CATSPERG: variants seen among roughly 807,000 people sequenced by gnomAD.
CATSPERG encodes catsper channel auxiliary subunit gamma.
In CATSPERG, 115 loss-of-function variants were observed where a neutral mutation model predicts 145.0. The ratio of observed to expected loss-of-function variants is 0.79; its 90% CI spans 0.68 to 0.93. The LOEUF is 0.93. Ranked by LOEUF, CATSPERG falls within the 40% of genes least tolerant of loss-of-function variation. The pLI is 0.00. For missense variants in CATSPERG, 1,296 were observed against 1,490.1 expected (o/e 0.87, Z 2.14); for synonymous variants, 588 against 589.0 (o/e 1.00, Z 0.02).
At chr19:38,350,854 T>C (rs1048897677) in intron 7 of CATSPERG, among the ~76,000 whole-genome samples, 1 of 152,016 alleles carries the variant, frequency 6.6e-6, no homozygotes, top group Admixed American at 6.6e-5. Flanking sequence ...CCAGGCATGG[T>C]GGTGGGCACC....
chr19:38,362,600 C>G (rs1472194495), intron 19 of CATSPERG, 26 bp downstream of exon 19: 2 of 1,611,066 alleles, frequency 1.2e-6, no homozygotes, highest in Non-Finnish European at 1.7e-6. Context: ...GAGTGGAGCC[C>G]GAAGGGCGGG....
chr19:38,361,765 C>T lies in CATSPERG; in HGVS notation c.1998C>T (p.Arg666=), dbSNP rs1442870921. 3.1e-6 allele frequency: 5 copies of T among 1,612,992 alleles called. No individual in the cohort carries two copies. Among genetic ancestry groups the T allele is most frequent in the East Asian group, 2.2e-5 (1 of 44,846 alleles). The change falls in exon 17 of 29, where the codon CGC becomes CGT. Residue 666 remains arginine, a synonymous_variant. Coordinates refer to ENST00000409235, the MANE Select transcript of CATSPERG (RefSeq NM_021185.5). ...RQERYRARPP[R]VLERSGFHNE... is the part of the protein sequence containing the mutation. ...AGCGCTACCGGGCGCGGCCGCCGCGCGTCCTGGAGCGCTCGGGCTTCCACA... is the reference window on the plus strand; with the variant it reads ...AGCGCTACCGGGCGCGGCCGCCGCGTGTCCTGGAGCGCTCGGGCTTCCACA...
chr19:38,344,449 A>T, intron 6 of CATSPERG, 81 bp downstream of exon 6: 14 of 1,279,404 alleles, frequency 1.1e-5, no homozygotes, highest in Non-Finnish European at 1.6e-5. Context: ...CAAGCAGCAG[A>T]TCCCATTTAG....
At position 38,356,520 on chromosome 19, in the gene CATSPERG, G is replaced by GGTCT. The variant is rs1446633121; in HGVS notation, c.1175_1178dup (p.Glu395ValfsTer15). 1.2e-6 allele frequency: 2 copies of GGTCT among 1,613,878 alleles called. No individual in the cohort carries two copies. Among genetic ancestry groups the GGTCT allele is most frequent in the Non-Finnish European group, 1.7e-6 (2 of 1,179,980 alleles). On this transcript the variant is annotated frameshift_variant, in exon 10 of 29. Transcript: ENST00000409235. LOFTEE classifies it high-confidence loss of function. Reference sequence around the variant, plus strand: ...TCCTTTGAGATGCTGCCCAGGCAGTGGTCTGTGTGCGAGCAGATAGGAGGT... The same window carrying GGTCT: ...TCCTTTGAGATGCTGCCCAGGCAGTGGTCTGTCTGTGTGCGAGCAGATAGGAGGT...
rs932344718 is a variant in CATSPERG, at chr19:38,367,579, G to A, written c.2834+7G>A. On this transcript the variant is annotated splice_region_variant and intron_variant, in intron 24 of 28. Coordinates refer to ENST00000409235, the MANE Select transcript of CATSPERG (RefSeq NM_021185.5). ...CCGGCAGTTTCCAGGGCAGGTAAAG[G>A]CGTGGCCAGCTTGCAGCTAGGGCAG... The A allele has an allele frequency of 6.2e-7, 1 of 1,613,996 alleles. No individual in the cohort carries two copies. The highest frequency in any genetic ancestry group is 8.5e-7 in the Non-Finnish European group (1 of 1,179,914).
At position 38,337,498 on chromosome 19, in the gene CATSPERG, G is replaced by T; in HGVS notation, c.264G>T (p.Pro88=). 1 of 1,552,030 alleles carries T rather than the reference G, an allele frequency of 6.4e-7. No individual in the cohort carries two copies. Among genetic ancestry groups the T allele is most frequent in the Non-Finnish European group, 8.7e-7 (1 of 1,147,068 alleles). The stretch of plus-strand genomic sequence containing the variant: ...TGCTGGTGGACTCACCCATCGACCC[G>T]AGCGAGGTGAGGGGACCAGGGTCAA... The part of the protein sequence containing the change: ...FHMLVDSPID[P]SEKYLGFPYY... Residue 88 remains proline (P), a synonymous_variant, in exon 2 of 29, where the codon CCG becomes CCT. Coordinates refer to ENST00000409235, the MANE Select transcript of CATSPERG (RefSeq NM_021185.5).
At chr19:38,364,407 G>A (rs1050248802) in intron 20 of CATSPERG, among the ~76,000 whole-genome samples, 17 of 151,836 alleles carry the variant, frequency 1.1e-4, no homozygotes, top group African/African-American at 3.6e-4. Flanking sequence ...GACGATGGGC[G>A]GCCGGGCAGA....
chr19:38,336,495 G>T (rs1023413853), intron 1 of CATSPERG: 9 of 302,824 alleles, frequency 3.0e-5, no homozygotes, highest in Non-Finnish European at 3.3e-5. Flanking sequence ...GGCGAGAAAC[G>T]GGGGCCCGGC....
At position 38,364,959 on chromosome 19, in the gene CATSPERG, C is replaced by T. The variant is rs1427520735; in HGVS notation, c.2544C>T (p.Ser848=). Residue 848 remains serine (S), a synonymous_variant, in exon 21 of 29, where the codon TCC becomes TCT. Coordinates refer to ENST00000409235, the MANE Select transcript of CATSPERG (RefSeq NM_021185.5). ...GISGHHLMET[S]MTVNVVGSSG... ...GTGGACATCACCTTATGGAGACTTC[C>T]ATGACGGTCAATGTGAGGTCCAAGC... 1.9e-6 allele frequency: 3 copies of T among 1,613,990 alleles called. No homozygotes were observed. Among genetic ancestry groups the T allele is most frequent in the Middle Eastern group, 1.6e-4 (1 of 6,062 alleles).
chr19:38,365,192 G>A, intron 22 of CATSPERG, 75 bp downstream of exon 22: 2 of 1,267,988 alleles, frequency 1.6e-6, no homozygotes, highest in Non-Finnish European at 1.2e-6. Context: ...ATCCCCCTGA[G>A]AATCCCACTA....
Position 38,344,302 on chromosome 19 carries a change from G to C in CATSPERG, c.603G>C (p.Gln201His). The C allele has an allele frequency of 6.4e-7, 1 of 1,551,776 alleles. No individual in the cohort carries two copies. Among genetic ancestry groups the C allele is most frequent in the Non-Finnish European group, 8.7e-7 (1 of 1,147,012 alleles). Residue 201 changes from glutamine (Q) to histidine (H), a missense_variant, in exon 6 of 29, where the codon CAG becomes CAC. Physicochemically the swap from Gln to His is conservative, Grantham distance 24. Coordinates refer to ENST00000409235, the MANE Select transcript of CATSPERG (RefSeq NM_021185.5). ...LGTFIPDKRF[Q>H]MNINGFLKRD... ...ATTCTGCACCTGCTGCTAGGTTCCA[G>C]ATGAATATCAACGGCTTCCTGAAGA...
In CATSPERG at chr19:38,337,323, T is replaced by C. The variant is rs1960472989; in HGVS notation, c.89T>C (p.Leu30Pro). ...QVLWALLAVL[L>P]ASWRLWAIKD... The stretch of plus-strand genomic sequence containing the variant: ...CTGTGGGCCCTGCTGGCAGTGCTCC[T>C]GGCGTCGTGGAGGCTGTGGGCGATC... The change falls in exon 2 of 29, where the codon CTG becomes CCG. Residue 30 changes from leucine (L) to proline (P), a missense_variant. By Grantham distance (98) the Leu-to-Pro change is moderately conservative (BLOSUM62 -3). Transcript: ENST00000409235. 6.4e-7 allele frequency: 1 copy of C among 1,551,366 alleles called. No homozygotes were observed. Among genetic ancestry groups the C allele is most frequent in the Admixed American group, 2.0e-5 (1 of 50,974 alleles).
intron 14 of CATSPERG, 110 bp downstream of exon 14, chr19:38,359,691 G>C: frequency 6.9e-7 from 1 of 1,457,330 alleles, no homozygotes; most frequent in Non-Finnish European, 9.1e-7. Flanking sequence ...GCACCCTCGG[G>C]GACCCTGAGA....
At position 38,370,692 on chromosome 19, in the gene CATSPERG, C is replaced by T. The variant is rs772848799; in HGVS notation, c.3380C>T (p.Pro1127Leu). Residue 1127 changes from proline to leucine, a missense_variant, in exon 29 of 29, where the codon CCG (proline) becomes CTG (leucine). Pro to Leu is a moderately conservative substitution (Grantham distance 98, BLOSUM62 -3). Transcript: ENST00000409235. Reference protein sequence around the residue: ...YASISGISSMPSLRHSRMGSM... With the variant: ...YASISGISSMLSLRHSRMGSM... ...TCCATTTCCGGAATCTCGAGCATGC[C>T]GTCTCTGAGACATTCCAGGATGGGC... 3.7e-6 allele frequency: 6 copies of T among 1,613,922 alleles called. No individual in the cohort carries two copies. The highest frequency in any genetic ancestry group is 1.3e-5 in the African/African-American group (1 of 74,868).
chr19:38,361,342 T>C (rs1753637140), intron 16 of CATSPERG, among the ~76,000 whole-genome samples: 1 of 150,722 alleles, frequency 6.6e-6, no homozygotes, highest in African/African-American at 2.4e-5. Flanking sequence ...GCAGCTGGAG[T>C]CGGGACAGGG....
intron 9 of CATSPERG, 108 bp downstream of exon 9, chr19:38,354,955 C>A: frequency 7.6e-7 from 1 of 1,314,306 alleles, no homozygotes; most frequent in Non-Finnish European, 1.0e-6. Context: ...CTGAGGAGGG[C>A]CCCTAGGCTG....
chr19:38,365,456 G>C (rs1310012364), intron 22 of CATSPERG: 1 of 252,270 alleles, frequency 4.0e-6, no homozygotes, highest in Non-Finnish European at 7.8e-6. Context: ...ATTTTTAGTG[G>C]AGACAGAGTT....
At chr19:38,355,828 T>C (rs1424658876) in intron 9 of CATSPERG, among the ~76,000 whole-genome samples, 2 of 152,168 alleles carry the variant, frequency 1.3e-5, no homozygotes. Flanking sequence ...CAGGACTCCA[T>C]CTCTTGGTAA....
At chr19:38,352,010 CTG>C (rs1244074572) in intron 7 of CATSPERG, among the ~76,000 whole-genome samples, 7 of 152,224 alleles carry the variant, frequency 4.6e-5, no homozygotes, top group African/African-American at 1.7e-4. Context: ...GTTGAGCATG[CTG>C]TGCACTGCCC....
Sources: gnomAD v4.1 joint callset for allele counts (sites outside exome capture counted in the v4.1 genomes callset) on GRCh38, gnomAD v4.1.1 for gene constraint, MANE v1.5 for transcripts, NCBI Gene and HGNC (gene_info 2026-07-23, HGNC 2026-07-21) for gene names.